Variants in ILKAP observed in about 807,000 individuals in gnomAD.
ILKAP encodes the protein ILK associated serine/threonine phosphatase.
A neutral mutation model predicts 49.1 loss-of-function variants in ILKAP; 11 were observed. The ratio of observed to expected loss-of-function variants is 0.22; its 90% confidence interval spans 0.14 to 0.37. The LOEUF is 0.37. ILKAP is among the 10% of genes least tolerant of loss of function. The pLI is 1.00. For synonymous variants in ILKAP, 186 were observed against 192.8 expected, an observed-to-expected ratio of 0.96 and a Z score of 0.29; for missense variants, 363 against 510.8, an observed-to-expected ratio of 0.71 and a Z score of 2.79.
intron 8 of ILKAP, among the ~76,000 whole-genome samples, 193 bp from the exon 9 acceptor site, chr2:238,182,379 G>A (rs576388433): frequency 3.9e-5 from 6 of 152,242 alleles, no homozygotes; most frequent in African/African-American, 7.2e-5. Context: ...CAACAGTTAG[G>A]GAGAGAGTCG....
At chr2:238,177,335 T>C (rs1048893069) in intron 9 of ILKAP, among the ~76,000 whole-genome samples, 3 of 152,158 alleles carry the variant, frequency 2.0e-5, no homozygotes, top group African/African-American at 7.2e-5. Flanking sequence ...ATACATGACA[T>C]TTACCATCTT....
At position 238,170,431 on chromosome 2, in the gene ILKAP, C is replaced by A; in HGVS notation, c.*105G>T. The A allele has an allele frequency of 8.0e-7, 1 of 1,256,446 alleles. No homozygotes were observed. Among genetic ancestry groups the A allele is most frequent in the Non-Finnish European group, 1.1e-6 (1 of 912,180 alleles). 77.8% of individuals were successfully genotyped at this position (1,256,446 alleles called of 1,614,324 possible). ...AAAAAAAAAGAGAAACCTTTATTTA[C>A]AACCATGGGAGTCCCACAGGAGTAC... On this transcript the variant is annotated 3_prime_UTR_variant, in exon 12 of 12. Coordinates refer to ENST00000254654, the MANE Select transcript of ILKAP (RefSeq NM_030768.3).
At chr2:238,187,308 CACCTCATCTCCATGAGCAG>C (rs1693947239) in intron 5 of ILKAP, among the ~76,000 whole-genome samples, 1 of 152,222 alleles carries the variant, frequency 6.6e-6, no homozygotes, top group African/African-American at 2.4e-5. Context: ...CAGCAGCCAT[CACCTCATCTCCATGAGCAG>C]ACCTCATCTA....
intron 10 of ILKAP, among the ~76,000 whole-genome samples, chr2:238,172,603 G>A (rs1034808660): frequency 1.3e-5 from 2 of 152,198 alleles, no homozygotes; most frequent in Non-Finnish European, 1.5e-5. Context: ...AGGACCCCGC[G>A]GTACGTGAGA....
chr2:238,188,938 C>T (rs1694011957), intron 4 of ILKAP, among the ~76,000 whole-genome samples: 1 of 152,236 alleles, frequency 6.6e-6, no homozygotes, highest in Admixed American at 6.5e-5. Flanking sequence ...AGCAAAGCTA[C>T]AAGTGGGTTT....
chr2:238,198,729 T>C (rs928418909), intron 1 of ILKAP, among the ~76,000 whole-genome samples: 5 of 152,168 alleles, frequency 3.3e-5, no homozygotes, highest in African/African-American at 9.7e-5. Context: ...CTTTTTTTTT[T>C]CCTCAGTTAT....
chr2:238,198,317 C>T (rs1559302166), intron 1 of ILKAP, among the ~76,000 whole-genome samples: 1 of 151,960 alleles, frequency 6.6e-6, no homozygotes, highest in Non-Finnish European at 1.5e-5. Context: ...CAGCTCACTG[C>T]AGCCCCAACC....
chr2:238,173,718 T>C, intron 9 of ILKAP, 65 bp from the exon 10 acceptor site: 1 of 1,541,084 alleles, frequency 6.5e-7, no homozygotes, highest in Admixed American at 1.8e-5. Flanking sequence ...GTACTTAGAA[T>C]CTCACCTTAA....
At chr2:238,185,481 C>G in intron 5 of ILKAP, 194 bp from the exon 6 acceptor site, 1 of 509,714 alleles carries the variant, frequency 2.0e-6, no homozygotes, top group East Asian at 3.2e-5. Flanking sequence ...GTAACTTTCA[C>G]AGCATTTTAT....
At chr2:238,180,335 T>A (rs1376986518) in intron 9 of ILKAP, among the ~76,000 whole-genome samples, 1 of 152,242 alleles carries the variant, frequency 6.6e-6, no homozygotes, top group Non-Finnish European at 1.5e-5. Flanking sequence ...GAAATATTAT[T>A]GTCTTAGGTG....
intron 3 of ILKAP, among the ~76,000 whole-genome samples, chr2:238,192,514 A>G (rs1358772265): frequency 6.6e-6 from 1 of 152,074 alleles, no homozygotes; most frequent in African/African-American, 2.4e-5. Flanking sequence ...CCTGGCTAAC[A>G]TGGTGAAACC....
intron 1 of ILKAP, among the ~76,000 whole-genome samples, chr2:238,199,454 G>A (rs1694481021): frequency 6.6e-6 from 1 of 152,174 alleles, no homozygotes; most frequent in Admixed American, 6.5e-5. Context: ...TGGGTGAAAA[G>A]GTAAATAGTT....
chr2:238,203,236 G>A (rs1245073914), intron 1 of ILKAP, among the ~76,000 whole-genome samples: 1 of 151,072 alleles, frequency 6.6e-6, no homozygotes, highest in African/African-American at 2.4e-5. Flanking sequence ...ACGCAGAGGG[G>A]CCGTGGCCAC....
At chr2:238,174,922 G>C (rs371109596) in intron 9 of ILKAP, among the ~76,000 whole-genome samples, 1 of 152,040 alleles carries the variant, frequency 6.6e-6, no homozygotes, top group Non-Finnish European at 1.5e-5. Flanking sequence ...TGTGGCTTCC[G>C]GCCATCCCAG....
chr2:238,176,657 C>A (rs1693472336), intron 9 of ILKAP, among the ~76,000 whole-genome samples: 1 of 68,344 alleles, frequency 1.5e-5, no homozygotes, highest in Admixed American at 1.8e-4. Context: ...ATTTTCTGTT[C>A]TTTCTCCAGA....
chr2:238,171,074 T>C, intron 10 of ILKAP, 50 bp from the exon 11 acceptor site: 1 of 1,201,184 alleles, frequency 8.3e-7, no homozygotes, highest in Non-Finnish European at 1.2e-6. Context: ...AACCAAAAAA[T>C]AAAAAATAAA....
At position 238,203,647 on chromosome 2, in the gene ILKAP, G is replaced by A. The variant is rs1216131984; in HGVS notation, c.-94C>T. The A allele has an allele frequency of 1.5e-5, 11 of 737,790 alleles. No individual in the cohort carries two copies. Among genetic ancestry groups the A allele is most frequent in the Middle Eastern group, 5.1e-4 (1 of 1,960 alleles). The allele number at this position is 737,790 out of a possible 1,614,324, so 45.7% of individuals were successfully genotyped here. On this transcript the variant is annotated 5_prime_UTR_variant, in exon 1 of 12. Transcript: ENST00000254654. Reference sequence around the variant, plus strand: ...CCCCGGGCGGGCGGCAGCAGCGGGCGGGCGACGGGCAGGGGCGGCCGGCGC... The same window carrying A: ...CCCCGGGCGGGCGGCAGCAGCGGGCAGGCGACGGGCAGGGGCGGCCGGCGC...
At chr2:238,195,541 C>T (rs1694307287) in intron 1 of ILKAP, among the ~76,000 whole-genome samples, 2 of 152,088 alleles carry the variant, frequency 1.3e-5, no homozygotes, top group African/African-American at 2.4e-5. Context: ...TGTTTTATGC[C>T]CAATTATCTT....
chr2:238,175,630 T>C (rs1693417410), intron 9 of ILKAP, among the ~76,000 whole-genome samples: 2 of 152,168 alleles, frequency 1.3e-5, no homozygotes, highest in Admixed American at 6.5e-5. Flanking sequence ...AGATCGAGCA[T>C]CACACAAGGG....
Sources: allele counts gnomAD v4.1 joint callset (sites outside exome capture counted in the v4.1 genomes callset), GRCh38; gene constraint gnomAD v4.1.1; transcripts MANE v1.5; gene names NCBI Gene and HGNC (gene_info 2026-07-23, HGNC 2026-07-21).